The following LTO1 variants were observed in gnomAD, a reference collection of about 807,000 sequenced individuals.
LTO1 encodes the protein LTO1 maturation factor of ABCE1, also known as protein LTO1 homolog.
A neutral mutation model predicts 19.8 loss-of-function variants in LTO1; 18 were observed. The ratio of observed to expected loss-of-function variants is 0.91; its 90% CI spans 0.63 to 1.35. The LOEUF (loss-of-function observed/expected upper bound fraction) is 1.35. Among genes scored for constraint, LTO1 ranks in the 40% most tolerant of loss-of-function variants. The pLI, the probability that LTO1 is intolerant of heterozygous loss-of-function variation, is 0.00. For synonymous variants in LTO1, 59 were observed against 59.6 expected (o/e 0.99, Z 0.05); for missense variants, 175 against 167.9 (o/e 1.04, Z -0.23).
Position 69,665,590 on chromosome 11 carries a change from T to G in LTO1, c.*1929A>C, listed in dbSNP as rs1856022695. 6.6e-6 allele frequency: 1 copy of G among 152,252 alleles called. No homozygotes were observed. The highest frequency in any genetic ancestry group is 2.1e-4 in the South Asian group (1 of 4,836). 9.4% of individuals were successfully genotyped at this position (152,252 alleles called of 1,614,324 possible). A position where few individuals can be genotyped will look rare whatever the true frequency, so the allele number is the denominator to read the frequency against. On this transcript the variant is annotated 3_prime_UTR_variant, in exon 5 of 5. Transcript: ENST00000279147. The stretch of plus-strand genomic sequence containing the variant: ...TCACTTTAAAATATGCTATTTACTT[T>G]TTTTACAGTTATAAAAATAATACAT...
chr11:69,675,090 G>A, intron 1 of LTO1, 100 bp downstream of exon 1: 2 of 1,080,700 alleles, frequency 1.9e-6, no homozygotes, highest in Non-Finnish European at 2.8e-6. Flanking sequence ...CACGCCCAAG[G>A]GACGCCAGGC....
In LTO1 at chr11:69,667,377, A is replaced by C. The variant is rs183110589; in HGVS notation, c.*142T>G. 9.3e-4 allele frequency: 606 copies of C among 650,656 alleles called. 2 individuals carry two copies. In the African/African-American group the frequency reaches 9.9e-3, roughly 11 times the overall value. The allele number at this position is 650,656 out of a possible 1,614,324, so 40.3% of individuals were successfully genotyped here. A position where few individuals can be genotyped will look rare whatever the true frequency, so the allele number is the denominator to read the frequency against. ...ACAGGCAGAAAACCCCAGGGAAGGAAGCCCTCCCACGGCCGAACCGGAACC... is the reference window on the plus strand; with the variant it reads ...ACAGGCAGAAAACCCCAGGGAAGGACGCCCTCCCACGGCCGAACCGGAACC... On this transcript the variant is annotated 3_prime_UTR_variant, in exon 5 of 5. Coordinates refer to ENST00000279147, the MANE Select transcript of LTO1 (RefSeq NM_153451.3).
chr11:69,670,151 C>G (rs1856088867), intron 3 of LTO1, among the ~76,000 whole-genome samples: 1 of 152,198 alleles, frequency 6.6e-6, no homozygotes, highest in African/African-American at 2.4e-5. Context: ...TCTGGCAGGG[C>G]TTCCACCAGC....
intron 1 of LTO1, chr11:69,674,850 A>G: frequency 1.7e-6 from 1 of 572,790 alleles, no homozygotes; most frequent in Non-Finnish European, 3.3e-6. Flanking sequence ...AGGAACCAGA[A>G]AAAAAGGCAG....
intron 4 of LTO1, 110 bp downstream of exon 4, chr11:69,667,784 CG>C: frequency 2.7e-6 from 2 of 748,566 alleles, no homozygotes; most frequent in Admixed American, 4.2e-5. Flanking sequence ...GACAGTTCCG[CG>C]GCGCACGCAG....
At chr11:69,669,647 C>T (rs943553131) in intron 3 of LTO1, among the ~76,000 whole-genome samples, 15 of 152,178 alleles carry the variant, frequency 9.9e-5, no homozygotes, top group African/African-American at 3.6e-4. Flanking sequence ...CACACCCAGC[C>T]GGGCGCACCA....
At chr11:69,668,114 A>G (rs755941035) in intron 3 of LTO1, 102 bp from the exon 4 acceptor site, 2 of 683,454 alleles carry the variant, frequency 2.9e-6, no homozygotes, top group Non-Finnish European at 5.3e-6. Flanking sequence ...CAGGTGCGCT[A>G]AGAATGCCTT....
intron 3 of LTO1, among the ~76,000 whole-genome samples, chr11:69,669,900 G>A (rs559545894): frequency 6.6e-6 from 1 of 152,254 alleles, no homozygotes; most frequent in South Asian, 2.1e-4. Context: ...ACAATGCCCA[G>A]CATTTTGCTG....
rs1208703456 is a variant in LTO1 at position 69,667,563 on chromosome 11, G to A, written c.370C>T (p.Pro124Ser). 6.2e-7 allele frequency: 1 copy of A among 1,610,854 alleles called. No individual in the cohort carries two copies. The highest frequency in any genetic ancestry group is 1.7e-5 in the Admixed American group (1 of 60,020). ...KQFCSLLNVQ[P>S]DFKISAEGSG... ...CCTTCTGCACTAATTTTAAAGTCTG[G>A]CTGAACATTGAGTAACGAACAAAAC... Residue 124 changes from proline (P) to serine (S), a missense_variant, in exon 5 of 5, where the codon CCA becomes TCA. Coordinates refer to ENST00000279147, the MANE Select transcript of LTO1 (RefSeq NM_153451.3).
At chr11:69,670,464 G>C (rs1006451002) in intron 3 of LTO1, among the ~76,000 whole-genome samples, 11 of 152,178 alleles carry the variant, frequency 7.2e-5, no homozygotes, top group Admixed American at 3.9e-4. Context: ...CCCAGCTGCC[G>C]GCCGCTGCCT....
At chr11:69,673,415 G>A in intron 1 of LTO1, 94 bp from the exon 2 acceptor site, 2 of 816,206 alleles carry the variant, frequency 2.5e-6, no homozygotes, top group Non-Finnish European at 4.1e-6. Context: ...GACCCAGTAA[G>A]ACAAACCAGA....
At chr11:69,669,415 A>C (rs753638233) in intron 3 of LTO1, among the ~76,000 whole-genome samples, 5 of 152,240 alleles carry the variant, frequency 3.3e-5, no homozygotes, top group Non-Finnish European at 7.3e-5. Flanking sequence ...GTTTGCCAGC[A>C]GCATCCAGTT....
In LTO1 at chr11:69,675,268, G is replaced by A. The variant is rs1352775940; in HGVS notation, c.-29C>T. 4.7e-6 allele frequency: 7 copies of A among 1,477,760 alleles called. No individual in the cohort carries two copies. The South Asian group carries it at 8.5e-5, about 18-fold the overall frequency. 91.5% of individuals were successfully genotyped at this position (1,477,760 alleles called of 1,614,324 possible). On this transcript the variant is annotated 5_prime_UTR_variant, in exon 1 of 5. Coordinates refer to ENST00000279147, the MANE Select transcript of LTO1 (RefSeq NM_153451.3). Reference sequence around the variant, plus strand: ...GGCAAGCAGCCCGCCCTTGGCCCCCGGGTTTCTGCAGCCCCGCGGTGCCGT... The same window carrying A: ...GGCAAGCAGCCCGCCCTTGGCCCCCAGGTTTCTGCAGCCCCGCGGTGCCGT...
chr11:69,674,688 T>C (rs1699211337), intron 1 of LTO1: 1 of 450,368 alleles, frequency 2.2e-6, no homozygotes, highest in Non-Finnish European at 4.5e-6. Flanking sequence ...ACGCGTCCTC[T>C]GGGCCGGGCA....
intron 2 of LTO1, 56 bp from the exon 3 acceptor site, chr11:69,671,875 C>T: frequency 1.0e-6 from 1 of 991,520 alleles, no homozygotes; most frequent in East Asian, 2.4e-5. Flanking sequence ...GCTACACTTT[C>T]ATTACCAAGA....
intron 3 of LTO1, among the ~76,000 whole-genome samples, chr11:69,669,288 C>T (rs1467707310): frequency 1.3e-5 from 2 of 152,080 alleles, no homozygotes; most frequent in Non-Finnish European, 2.9e-5. Context: ...GCAAGATACT[C>T]GATTAACGGG....
In LTO1 at chr11:69,667,423, C is replaced by A; in HGVS notation, c.*96G>T. 1.2e-6 allele frequency: 1 copy of A among 842,276 alleles called. No individual in the cohort carries two copies. Among genetic ancestry groups the A allele is most frequent in the Non-Finnish European group, 2.0e-6 (1 of 494,804 alleles). The allele number at this position is 842,276 out of a possible 1,614,324, so 52.2% of individuals were successfully genotyped here. ...GAACCCTCACCCTCCCAATGAACAA[C>A]TGCCTTCCCAGCACCGTCTGGCCCT... On this transcript the variant is annotated 3_prime_UTR_variant, in exon 5 of 5. Transcript: ENST00000279147.
intron 3 of LTO1, among the ~76,000 whole-genome samples, chr11:69,671,206 G>C (rs1856104524): frequency 6.6e-6 from 1 of 152,100 alleles, no homozygotes; most frequent in African/African-American, 2.4e-5. Flanking sequence ...GCCGAGAAGA[G>C]TTTTTAAAGG....
chr11:69,671,780 G>A lies in LTO1; in HGVS notation c.196C>T (p.Leu66=), dbSNP rs772647130. 2 of 1,603,926 alleles carry A rather than the reference G, an allele frequency of 1.2e-6. No individual in the cohort carries two copies. The highest frequency in any genetic ancestry group is 2.2e-5 in the South Asian group (2 of 90,886). ...YQGFAFAWKC[L]LHSCTTEKDS... The stretch of plus-strand genomic sequence containing the variant: ...TTCTCAGTGGTGCAACTGTGCAGTA[G>A]ACATTTCCATGCAAAAGCAAAACCT... The change falls in exon 3 of 5, where the codon CTA becomes TTA. Residue 66 remains leucine, a synonymous_variant. Coordinates refer to ENST00000279147, the MANE Select transcript of LTO1 (RefSeq NM_153451.3).
Sources: gnomAD v4.1 joint callset for allele counts (sites outside exome capture counted in the v4.1 genomes callset) on GRCh38, gnomAD v4.1.1 for gene constraint, MANE v1.5 for transcripts, NCBI Gene and HGNC (gene_info 2026-07-23, HGNC 2026-07-21) for gene names.